PDZRN4: variants seen among roughly 807,000 people sequenced by gnomAD.
PDZRN4 encodes PDZ domain-containing RING finger protein 4.
PDZRN4 carries 70 observed loss-of-function variants against 99.0 expected under a neutral mutation model. The ratio of observed to expected loss-of-function variants is 0.71; its 90% CI spans 0.58 to 0.86. PDZRN4 has a LOEUF of 0.86. PDZRN4 is among the 40% of genes least tolerant of loss of function. The probability of loss-of-function intolerance (pLI) is 0.00; values close to 1 mark genes in which losing one functional copy is unlikely to be tolerated. For synonymous variants in PDZRN4, 551 were observed against 501.6 expected (o/e 1.10, Z -1.32); for missense variants, 1,474 against 1,331.2 (o/e 1.11, Z -1.67).
intron 3 of PDZRN4, among the ~76,000 whole-genome samples, chr12:41,353,888 A>G (rs993059638): frequency 2.0e-5 from 3 of 152,134 alleles, no homozygotes; most frequent in Non-Finnish European, 4.4e-5. Flanking sequence ...GGCTTTTCAT[A>G]TCAGCCTAAG....
At chr12:41,567,639 G>T (rs1939398512) in intron 8 of PDZRN4, 144 bp from the exon 9 acceptor site, 3 of 332,278 alleles carry the variant, frequency 9.0e-6, no homozygotes, top group African/African-American at 2.3e-5. Flanking sequence ...TCTTCTTTCT[G>T]AGAGGTGAAC....
intron 3 of PDZRN4, among the ~76,000 whole-genome samples, chr12:41,352,120 T>G (rs568674459): frequency 6.6e-6 from 1 of 152,238 alleles, no homozygotes; most frequent in Non-Finnish European, 1.5e-5. Flanking sequence ...CGTGTGGTCA[T>G]GTAAGATACT....
At chr12:41,333,585 G>C (rs924509584) in intron 3 of PDZRN4, among the ~76,000 whole-genome samples, 2 of 152,044 alleles carry the variant, frequency 1.3e-5, no homozygotes, top group Non-Finnish European at 2.9e-5. Context: ...TCCAGGTCTT[G>C]GACCCTCCTT....
intron 3 of PDZRN4, among the ~76,000 whole-genome samples, chr12:41,431,678 C>A (rs962641234): frequency 3.9e-5 from 6 of 152,166 alleles, no homozygotes; most frequent in Admixed American, 2.6e-4. Context: ...GGAGTCTAGT[C>A]TAATAATGTT....
Position 41,310,892 on chromosome 12 carries a change from G to A in PDZRN4, c.843+116704G>A, listed in dbSNP as rs150229048. Among the ~76,000 whole-genome samples, 19 of 152,078 alleles carry A rather than the reference G, an allele frequency of 1.2e-4. No individual in the cohort carries two copies. In the East Asian group the frequency reaches 3.5e-3, roughly 28 times the overall value. On this transcript the variant is annotated intron_variant, in intron 3 of 9. Transcript: ENST00000402685. ...TTTGTATGTTCGTAAAGTTCACATA[G>A]GATTAAGGGAAATACACAGATCTAA...
At chr12:41,492,452 G>A (rs146756438) in intron 3 of PDZRN4, among the ~76,000 whole-genome samples, 2 of 152,146 alleles carry the variant, frequency 1.3e-5, no homozygotes, top group African/African-American at 4.8e-5. Context: ...GGGAGGGGAC[G>A]AGTGTTTACT....
intron 3 of PDZRN4, among the ~76,000 whole-genome samples, chr12:41,280,850 C>T (rs756711511): frequency 6.6e-6 from 1 of 152,178 alleles, no homozygotes; most frequent in Non-Finnish European, 1.5e-5. Context: ...CCCAGCACAG[C>T]GTTCCAGCTC....
In PDZRN4 at chr12:41,572,892, G is replaced by A. The variant is rs746338084; in HGVS notation, c.2113G>A (p.Gly705Arg). ...QYGDIWTLHD[G>R]GFRNYNTSID... is the part of the protein sequence containing the mutation. ...TGGAGACATCTGGACATTGCATGAT[G>A]GAGGATTCCGGAATTATAACACCAG... The change falls in exon 10 of 10, where the codon GGA (glycine) becomes AGA (arginine). Residue 705 changes from glycine (G) to arginine (R), a missense_variant. Gly to Arg is a moderately radical substitution (Grantham distance 125). Transcript: ENST00000402685. The A allele has an allele frequency of 1.2e-6, 2 of 1,614,112 alleles. No homozygotes were observed. Among genetic ancestry groups the A allele is most frequent in the Non-Finnish European group, 8.5e-7 (1 of 1,180,016 alleles).
At chr12:41,350,228 T>C (rs764565605) in intron 3 of PDZRN4, among the ~76,000 whole-genome samples, 3 of 152,068 alleles carry the variant, frequency 2.0e-5, no homozygotes, top group African/African-American at 4.8e-5. Flanking sequence ...GCTGTTAGAT[T>C]ATCAAGTGTG....
At chr12:41,316,823 CTAT>C (rs987256176) in intron 3 of PDZRN4, among the ~76,000 whole-genome samples, 7 of 151,484 alleles carry the variant, frequency 4.6e-5, no homozygotes, top group African/African-American at 1.7e-4. Context: ...TGAGGTTTGT[CTAT>C]TATTTGCCAG....
chr12:41,482,189 C>T (rs1207156886), intron 3 of PDZRN4, among the ~76,000 whole-genome samples: 1 of 152,162 alleles, frequency 6.6e-6, no homozygotes, highest in East Asian at 1.9e-4. Context: ...GTAAGCATCA[C>T]ATCTTCACGC....
At chr12:41,460,501 G>A (rs965851254) in intron 3 of PDZRN4, among the ~76,000 whole-genome samples, 2 of 152,060 alleles carry the variant, frequency 1.3e-5, no homozygotes, top group African/African-American at 4.8e-5. Context: ...AAAATCTTAG[G>A]AGCAAATTCC....
At chr12:41,557,560 G>T (rs759743042) in intron 7 of PDZRN4, among the ~76,000 whole-genome samples, 1 of 152,124 alleles carries the variant, frequency 6.6e-6, no homozygotes, top group African/African-American at 2.4e-5. Context: ...CTCTGCCTGC[G>T]TGGCCTGGGC....
chr12:41,296,585 G>A (rs933997752), intron 3 of PDZRN4, among the ~76,000 whole-genome samples: 1 of 152,116 alleles, frequency 6.6e-6, no homozygotes, highest in African/African-American at 2.4e-5. Context: ...AATTTTTCAA[G>A]AGTTTTGATA....
chr12:41,439,386 A>C (rs548055634), intron 3 of PDZRN4, among the ~76,000 whole-genome samples: 1 of 152,276 alleles, frequency 6.6e-6, no homozygotes, highest in African/African-American at 2.4e-5. Context: ...TTTGAGTTCT[A>C]GTATTGTTTC....
chr12:41,303,072 T>G (rs1480430612), intron 3 of PDZRN4, among the ~76,000 whole-genome samples: 1 of 152,006 alleles, frequency 6.6e-6, no homozygotes, highest in East Asian at 1.9e-4. Context: ...GTGGAGTCAG[T>G]GAGCCGTGGC....
chr12:41,516,125 G>T (rs1238050721), intron 5 of PDZRN4, among the ~76,000 whole-genome samples: 1 of 151,996 alleles, frequency 6.6e-6, no homozygotes, highest in Non-Finnish European at 1.5e-5. Context: ...AGCATTCCAT[G>T]ATGTCCTCCT....
intron 6 of PDZRN4, among the ~76,000 whole-genome samples, chr12:41,554,650 C>T (rs996762080): frequency 6.6e-5 from 10 of 152,062 alleles, no homozygotes; most frequent in African/African-American, 9.7e-5. Flanking sequence ...AAATTACCCG[C>T]AGTGAACTGT....
chr12:41,480,172 T>A (rs2120595899), intron 3 of PDZRN4, among the ~76,000 whole-genome samples: 1 of 152,258 alleles, frequency 6.6e-6, no homozygotes, highest in Non-Finnish European at 1.5e-5. Flanking sequence ...ACCTGCCACC[T>A]GTTGAGAGAG....
Sources: gnomAD v4.1 joint callset for allele counts (sites outside exome capture counted in the v4.1 genomes callset) on GRCh38, gnomAD v4.1.1 for gene constraint, MANE v1.5 for transcripts, NCBI Gene and HGNC (gene_info 2026-07-23, HGNC 2026-07-21) for gene names.